COL5A2: variants seen among roughly 807,000 people sequenced by gnomAD.
COL5A2 encodes the protein collagen alpha-2(V) chain.
COL5A2 carries 23 observed loss-of-function variants against 208.2 expected under a neutral mutation model. That is an observed-to-expected ratio of 0.11 (90% CI 0.08 to 0.16). COL5A2 has a LOEUF of 0.16. Among genes scored for constraint, COL5A2 ranks in the 10% least tolerant of loss-of-function variants. The pLI is 1.00. For synonymous variants in COL5A2, 625 were observed against 628.5 expected (o/e 0.99, Z 0.08); for missense variants, 1,590 against 1,956.4 (o/e 0.81, Z 3.53).
intron 1 of COL5A2, among the ~76,000 whole-genome samples, chr2:189,206,112 G>A (rs1443191614): frequency 6.6e-6 from 1 of 152,166 alleles, no homozygotes; most frequent in African/African-American, 2.4e-5. Context: ...GCTAGTTTAA[G>A]TGAATTCAGG....
At chr2:189,059,585 G>GTTTTTTTTTTTTTTCTTTTTTTTTTT (rs1685979663) in intron 31 of COL5A2, among the ~76,000 whole-genome samples, 1 of 28,594 alleles carries the variant, frequency 3.5e-5, no homozygotes, top group Non-Finnish European at 7.4e-5. Context: ...TTCTTTTCTG[G>GTTTTTTTTTTTTTTCTTTTTTTTTTT]TTTTTTTTTT....
chr2:189,337,016 T>C, the COL5A2 span, among the ~76,000 whole-genome samples: 1 of 152,202 alleles, frequency 6.6e-6, no homozygotes. Flanking sequence ...TTATTCATTC[T>C]TTACATTAAT....
chr2:189,415,054 T>C, the COL5A2 span, among the ~76,000 whole-genome samples: 2 of 152,288 alleles, frequency 1.3e-5, no homozygotes, highest in African/African-American at 4.8e-5. Flanking sequence ...GGGTTTATCT[T>C]ATTACTTTCT....
chr2:189,058,749 T>A, intron 32 of COL5A2, 100 bp downstream of exon 32: 1 of 1,153,990 alleles, frequency 8.7e-7, no homozygotes, highest in South Asian at 1.4e-5. Context: ...GTCAAAGAAT[T>A]TATAGGTTAA....
Position 189,078,638 on chromosome 2 carries a change from C to G in COL5A2, c.1006-69G>C, listed in dbSNP as rs151293077. On this transcript the variant is annotated intron_variant, in intron 15 of 53. Transcript: ENST00000374866. ...GAAATGTAGAGTAGTCTGACTACCC[C>G]ACTCAATCCAATTGAGATTCAAGAT... is the stretch of plus-strand genomic sequence containing the variant. 2,245 of 1,191,410 alleles carry G rather than the reference C, an allele frequency of 1.9e-3. 26 individuals carry two copies. In the African/African-American group the frequency reaches 0.025, roughly 13 times the overall value. The allele number at this position is 1,191,410 out of a possible 1,614,324, so 73.8% of individuals were successfully genotyped here. A position where few individuals can be genotyped will look rare whatever the true frequency, so the allele number is the denominator to read the frequency against.
chr2:189,150,417 TG>T (rs1688121034), intron 1 of COL5A2, among the ~76,000 whole-genome samples: 1 of 152,148 alleles, frequency 6.6e-6, no homozygotes, highest in Admixed American at 6.5e-5. Flanking sequence ...TAGGACACAG[TG>T]CTGAGGTGAT....
the COL5A2 span, chr2:189,312,062 A>T: frequency 6.5e-6 from 5 of 764,014 alleles, no homozygotes; most frequent in Admixed American, 3.4e-5. Context: ...CATCAGCAGC[A>T]AGATGGGCAT....
intron 5 of COL5A2, among the ~76,000 whole-genome samples, chr2:189,098,219 G>A (rs1576525474): frequency 6.6e-6 from 1 of 152,314 alleles, no homozygotes; most frequent in South Asian, 2.1e-4. Context: ...AAGCTGATTT[G>A]ATGTGTTTAA....
the COL5A2 span, among the ~76,000 whole-genome samples, chr2:189,277,042 C>T: frequency 6.6e-6 from 1 of 152,068 alleles, no homozygotes; most frequent in African/African-American, 2.4e-5. Flanking sequence ...CATGCATCAA[C>T]TATAAAACTT....
intron 1 of COL5A2, among the ~76,000 whole-genome samples, chr2:189,168,298 G>A (rs566566343): frequency 1.3e-5 from 2 of 149,122 alleles, no homozygotes; most frequent in African/African-American, 4.9e-5. Context: ...AATGGTCAGT[G>A]CCCTCTGTCC....
chr2:189,307,256 G>T, the COL5A2 span, among the ~76,000 whole-genome samples: 1 of 151,964 alleles, frequency 6.6e-6, no homozygotes, highest in Non-Finnish European at 1.5e-5. Context: ...AAGCAATTGT[G>T]TACTCTGGTT....
chr2:189,344,871 C>A, the COL5A2 span, among the ~76,000 whole-genome samples: 1 of 152,184 alleles, frequency 6.6e-6, no homozygotes, highest in Non-Finnish European at 1.5e-5. Context: ...TTCTGAAACC[C>A]TTTTGGCCTG....
At chr2:189,121,735 T>C (rs199522347) in intron 1 of COL5A2, among the ~76,000 whole-genome samples, 4 of 4,344 alleles carry the variant, frequency 9.2e-4, no homozygotes, top group South Asian at 0.031. Context: ...AGACTCCGTC[T>C]CAAAAAAAAA....
chr2:189,042,309 G>T (rs1385260059), intron 49 of COL5A2, among the ~76,000 whole-genome samples: 1 of 151,994 alleles, frequency 6.6e-6, no homozygotes, highest in African/African-American at 2.4e-5. Flanking sequence ...TTCCAAATTA[G>T]CTTTATGTAA....
chr2:189,050,774 T>G (rs1298045675), intron 42 of COL5A2, 98 bp from the exon 43 acceptor site: 9 of 1,023,532 alleles, frequency 8.8e-6, no homozygotes, highest in African/African-American at 1.6e-5. Flanking sequence ...GGTTTTTCAG[T>G]ATGAAAAAGA....
Position 189,041,645 on chromosome 2 carries a change from G to A in COL5A2, c.3574C>T (p.Pro1192Ser). 6.2e-7 allele frequency: 1 copy of A among 1,614,090 alleles called. No homozygotes were observed. Among genetic ancestry groups the A allele is most frequent in the Non-Finnish European group, 8.5e-7 (1 of 1,179,962 alleles). The change falls in exon 50 of 54, where the codon CCA becomes TCA. Residue 1192 changes from proline to serine, a missense_variant. By Grantham distance (74) the Pro-to-Ser change is moderately conservative. Transcript: ENST00000374866. Reference sequence around the variant, plus strand: ...CCTGGAGGTCCAATTGGCCCAAGTGGCCCAGGGTTTCCTTCTTTACCTGAA... The same window carrying A: ...CCTGGAGGTCCAATTGGCCCAAGTGACCCAGGGTTTCCTTCTTTACCTGAA... The part of the protein sequence containing the change: ...GPSGKEGNPG[P>S]LGPIGPPGVR...
chr2:189,289,485 T>G, the COL5A2 span, among the ~76,000 whole-genome samples: 2 of 152,090 alleles, frequency 1.3e-5, no homozygotes, highest in Non-Finnish European at 2.9e-5. Context: ...ACGACAAGGA[T>G]GCCCACTCTT....
At position 189,035,068 on chromosome 2, in the gene COL5A2, T is replaced by C; in HGVS notation, c.4201A>G (p.Ile1401Val). Residue 1401 changes from isoleucine (I) to valine (V), a missense_variant, in exon 53 of 54, where the codon ATC becomes GTC. Transcript: ENST00000374866. Reference sequence around the variant, plus strand: ...ACACTGTTTTTACAGATGTAAGTGATGTTCTGGGAGGCTTCTTTTGATAAA... The same window carrying C: ...ACACTGTTTTTACAGATGTAAGTGACGTTCTGGGAGGCTTCTTTTGATAAA... ...RLLSKEASQN[I>V]TYICKNSVGY... 1 of 1,613,956 alleles carries C rather than the reference T, an allele frequency of 6.2e-7. No individual in the cohort carries two copies. Among genetic ancestry groups the C allele is most frequent in the Non-Finnish European group, 8.5e-7 (1 of 1,179,904 alleles).
the COL5A2 span, among the ~76,000 whole-genome samples, chr2:189,324,481 C>T: frequency 2.0e-5 from 3 of 152,124 alleles, no homozygotes; most frequent in Admixed American, 6.5e-5. Flanking sequence ...AAAAAACAAA[C>T]AACCCCATCA....
Sources: allele counts gnomAD v4.1 joint callset (sites outside exome capture counted in the v4.1 genomes callset), GRCh38; gene constraint gnomAD v4.1.1; transcripts MANE v1.5; gene names NCBI Gene and HGNC (gene_info 2026-07-23, HGNC 2026-07-21).